The following TBC1D32 variants were observed in gnomAD, a reference collection of about 807,000 sequenced individuals.
TBC1D32 encodes TBC1 domain family member 32, also known as protein broad-minded.
In TBC1D32, 151 loss-of-function variants were observed where a neutral mutation model predicts 170.3. The observed-to-expected ratio is 0.89, with a 90% confidence interval of 0.78 to 1.01. The LOEUF (loss-of-function observed/expected upper bound fraction) is 1.01, where lower values mean the gene tolerates loss of function less well. Ranked by LOEUF, TBC1D32 falls within the 50% of genes least tolerant of loss-of-function variation. TBC1D32 has a pLI of 0.00. For synonymous variants in TBC1D32, 498 were observed against 488.0 expected, an observed-to-expected ratio of 1.02 and a Z score of -0.27; for missense variants, 1,464 against 1,457.1, an observed-to-expected ratio of 1.00 and a Z score of -0.08.
rs146166935 is a variant in TBC1D32 at position 121,183,899 on chromosome 6, G to A, written c.2570+21176C>T. ...AAAACCCTCTGAAATACTAAACACA[G>A]ACAATACACACTATGTGCTTCAGGG... On this transcript the variant is annotated intron_variant, in intron 22 of 31. Transcript: ENST00000398212. Among the ~76,000 whole-genome samples the A allele has an allele frequency of 4.3e-4, 65 of 152,036 alleles. No individual in the cohort carries two copies. The East Asian group carries it at 0.012, about 27-fold the overall frequency.
intron 21 of TBC1D32, among the ~76,000 whole-genome samples, chr6:121,210,599 C>G (rs1029360605): frequency 2.6e-5 from 4 of 152,162 alleles, no homozygotes; most frequent in Non-Finnish European, 4.4e-5. Flanking sequence ...GCCTCAAACA[C>G]AAATGCAAGC....
intron 1 of TBC1D32, 46 bp from the exon 2 acceptor site, chr6:121,321,840 T>C (rs1199462904): frequency 6.7e-7 from 1 of 1,498,704 alleles, no homozygotes; most frequent in African/African-American, 1.4e-5. Context: ...ATCATAAGCA[T>C]ATTCAGAAAA....
intron 21 of TBC1D32, among the ~76,000 whole-genome samples, chr6:121,214,472 A>G (rs1793557598): frequency 6.6e-6 from 1 of 152,196 alleles, no homozygotes; most frequent in African/African-American, 2.4e-5. Context: ...GCTCAAAACC[A>G]GGCAGGCCAG....
At chr6:121,212,450 CTT>C (rs3076854) in intron 21 of TBC1D32, among the ~76,000 whole-genome samples, 3,009 of 101,952 alleles carry the variant, frequency 0.03, 57 homozygotes, top group African/African-American at 0.084. Context: ...GTCAATATCT[CTT>C]TTTTTTTTTT....
intron 21 of TBC1D32, among the ~76,000 whole-genome samples, chr6:121,206,473 A>T (rs2128306192): frequency 1.3e-5 from 2 of 152,304 alleles, no homozygotes; most frequent in South Asian, 4.1e-4. Context: ...CTTATGGTAC[A>T]AAGACTATTT....
At chr6:121,141,481 A>T (rs1304606769) in intron 24 of TBC1D32, among the ~76,000 whole-genome samples, 2 of 152,194 alleles carry the variant, frequency 1.3e-5, no homozygotes, top group Non-Finnish European at 2.9e-5. Context: ...CTCAATTAAA[A>T]ATGGGCAAAG....
At chr6:121,292,022 T>C (rs78778707) in intron 12 of TBC1D32, 31 bp downstream of exon 12, 32,865 of 1,536,322 alleles carry the variant, frequency 0.021, 1,217 homozygotes, top group East Asian at 0.14. Flanking sequence ...TAGCATATCT[T>C]AACAAATTTA....
At chr6:121,209,541 T>C (rs540605775) in intron 21 of TBC1D32, among the ~76,000 whole-genome samples, 4 of 152,316 alleles carry the variant, frequency 2.6e-5, no homozygotes, top group Admixed American at 1.3e-4. Flanking sequence ...CGGGTTTAAC[T>C]ATTTTAGATT....
At chr6:121,089,462 T>C (rs1240319852) in intron 31 of TBC1D32, among the ~76,000 whole-genome samples, 1 of 152,116 alleles carries the variant, frequency 6.6e-6, no homozygotes. Flanking sequence ...GATGAAAACG[T>C]CCCTTACTGA....
chr6:121,095,695 G>T (rs994514297), intron 30 of TBC1D32, among the ~76,000 whole-genome samples: 3 of 151,980 alleles, frequency 2.0e-5, no homozygotes, highest in African/African-American at 7.2e-5. Flanking sequence ...GATAATCGTG[G>T]TTTTTGTCAT....
At chr6:121,297,950 GGCT>G (rs1805912632) in intron 10 of TBC1D32, among the ~76,000 whole-genome samples, 3 of 151,956 alleles carry the variant, frequency 2.0e-5, no homozygotes, top group South Asian at 4.1e-4. Context: ...ATGCTAAACA[GGCT>G]GCTATGAGTA....
At position 121,282,913 on chromosome 6, in the gene TBC1D32, G is replaced by A. The variant is rs181080707; in HGVS notation, c.1465+905C>T. Among the ~76,000 whole-genome samples the A allele has an allele frequency of 5.1e-4, 77 of 151,876 alleles. 1 individual carries two copies. Among genetic ancestry groups the A allele is most frequent in the Non-Finnish European group, 4.6e-4 (31 of 67,744 alleles). On this transcript the variant is annotated intron_variant, in intron 13 of 31. Transcript: ENST00000398212. ...GACAGAAAAAAGTCTGAGAACCACT[G>A]TGAAGATCAATAGGCTAATATAATT...
chr6:121,145,632 G>T (rs1471484345), intron 24 of TBC1D32, among the ~76,000 whole-genome samples: 1 of 152,152 alleles, frequency 6.6e-6, no homozygotes, highest in Non-Finnish European at 1.5e-5. Context: ...AAATAAGCAT[G>T]TGAGATTATG....
chr6:121,262,479 C>CTTT (rs60601929), intron 15 of TBC1D32, among the ~76,000 whole-genome samples: 1 of 143,468 alleles, frequency 7.0e-6, no homozygotes, highest in African/African-American at 2.6e-5. Flanking sequence ...ATATTAAATA[C>CTTT]TTTTTTTTTT....
At chr6:121,245,094 C>T (rs1360448524) in intron 17 of TBC1D32, among the ~76,000 whole-genome samples, 1 of 152,190 alleles carries the variant, frequency 6.6e-6, no homozygotes, top group African/African-American at 2.4e-5. Flanking sequence ...AACACCACTG[C>T]CTGCAACACC....
intron 20 of TBC1D32, among the ~76,000 whole-genome samples, chr6:121,235,628 T>C (rs527496583): frequency 1.1e-3 from 160 of 152,304 alleles, no homozygotes; most frequent in African/African-American, 3.3e-3. Flanking sequence ...CCAAGTCTAT[T>C]TCCAGGCAGC....
chr6:121,222,973 A>G (rs1362510122), intron 21 of TBC1D32, among the ~76,000 whole-genome samples: 1 of 152,142 alleles, frequency 6.6e-6, no homozygotes, highest in Non-Finnish European at 1.5e-5. Flanking sequence ...TCACATGTAT[A>G]CTTCTATTTA....
intron 9 of TBC1D32, among the ~76,000 whole-genome samples, chr6:121,299,820 T>A (rs1256877668): frequency 2.0e-5 from 3 of 151,624 alleles, no homozygotes; most frequent in African/African-American, 7.3e-5. Context: ...TATGACAGAA[T>A]CCAAAAAAAG....
intron 14 of TBC1D32, among the ~76,000 whole-genome samples, chr6:121,279,820 A>G (rs578213363): frequency 6.6e-6 from 1 of 152,102 alleles, no homozygotes; most frequent in South Asian, 2.1e-4. Flanking sequence ...ACCTTTGCCA[A>G]TATATTACAA....
Sources: allele counts gnomAD v4.1 joint callset (sites outside exome capture counted in the v4.1 genomes callset), GRCh38; gene constraint gnomAD v4.1.1; transcripts MANE v1.5; gene names NCBI Gene and HGNC (gene_info 2026-07-23, HGNC 2026-07-21).